FAXDC2: variants seen among roughly 807,000 people sequenced by gnomAD.
The protein encoded by FAXDC2 is fatty acid hydroxylase domain containing 2.
FAXDC2 carries 41 observed loss-of-function variants against 40.9 expected under a neutral mutation model. The ratio of observed to expected loss-of-function variants is 1.00; its 90% CI spans 0.78 to 1.30. The LOEUF (loss-of-function observed/expected upper bound fraction) is 1.30. Ranked by LOEUF, FAXDC2 falls within the 50% of genes most tolerant of loss-of-function variation. FAXDC2 has a pLI of 0.00. For missense variants in FAXDC2, 390 were observed against 408.8 expected, an observed-to-expected ratio of 0.95 and a Z score of 0.40; for synonymous variants, 157 against 149.3, an observed-to-expected ratio of 1.05 and a Z score of -0.38.
At chr5:154,822,243 G>T in intron 7 of FAXDC2, 1 of 492,332 alleles carries the variant, frequency 2.0e-6, no homozygotes, top group South Asian at 2.4e-5. Flanking sequence ...GGGTGACAGA[G>T]CAAGACCCTG....
rs958900474 is a variant in FAXDC2, at chr5:154,820,176, G to A, written c.*140C>T. 3.9e-5 allele frequency: 26 copies of A among 667,376 alleles called. No homozygotes were observed. The highest frequency in any genetic ancestry group is 1.5e-4 in the African/African-American group (8 of 54,408). 41.3% of individuals were successfully genotyped at this position (667,376 alleles called of 1,614,324 possible). A position where few individuals can be genotyped will look rare whatever the true frequency, so the allele number is the denominator to read the frequency against. On this transcript the variant is annotated 3_prime_UTR_variant, in exon 9 of 9. Coordinates refer to ENST00000326080, the MANE Select transcript of FAXDC2 (RefSeq NM_032385.5). ...GCCTCATCCTTGGCCCTGCTTTTCC[G>A]GGAAGCCGACCTTCCCTCTACCCTG...
intron 5 of FAXDC2, among the ~76,000 whole-genome samples, chr5:154,829,176 A>T (rs935406823): frequency 6.6e-6 from 1 of 152,120 alleles, no homozygotes; most frequent in Non-Finnish European, 1.5e-5. Flanking sequence ...TACAGGCATG[A>T]ACCACCACGC....
chr5:154,830,716 C>CT, intron 5 of FAXDC2, 85 bp downstream of exon 5: 1 of 1,534,558 alleles, frequency 6.5e-7, no homozygotes, highest in East Asian at 2.3e-5. Context: ...GGCCAGGTCT[C>CT]TCCTGGGCCA....
chr5:154,841,570 T>C (rs1031894150), intron 1 of FAXDC2, among the ~76,000 whole-genome samples: 28 of 152,236 alleles, frequency 1.8e-4, no homozygotes, highest in African/African-American at 6.5e-4. Flanking sequence ...CTTATGAAGA[T>C]TCCAAAGAAT....
intron 1 of FAXDC2, 169 bp from the exon 2 acceptor site, chr5:154,838,347 G>C (rs1286955941): frequency 6.2e-6 from 1 of 162,530 alleles, no homozygotes; most frequent in Non-Finnish European, 1.3e-5. Context: ...ACTTAATGGA[G>C]AGATAAATGT....
chr5:154,849,018 G>T (rs760260805), intron 1 of FAXDC2, among the ~76,000 whole-genome samples: 9 of 143,414 alleles, frequency 6.3e-5, no homozygotes, highest in Non-Finnish European at 7.6e-5. Context: ...GTTGGCTTAT[G>T]CCTGTAATCT....
chr5:154,820,758 A>G (rs970165734), intron 8 of FAXDC2: 3 of 316,058 alleles, frequency 9.5e-6, no homozygotes, highest in South Asian at 7.0e-5. Flanking sequence ...TTCTTCAGGT[A>G]TGAGATCACC....
intron 1 of FAXDC2, among the ~76,000 whole-genome samples, chr5:154,846,352 A>T (rs1467928621): frequency 6.6e-6 from 1 of 151,952 alleles, no homozygotes; most frequent in Non-Finnish European, 1.5e-5. Context: ...TTCAAGAAAC[A>T]TTTATCAGAT....
chr5:154,823,930 A>G, intron 5 of FAXDC2: 1 of 305,442 alleles, frequency 3.3e-6, no homozygotes, highest in Admixed American at 4.5e-5. Flanking sequence ...GGTAGCCTCC[A>G]TGGTGCTTGG....
intron 5 of FAXDC2, among the ~76,000 whole-genome samples, chr5:154,825,913 T>G (rs1259429249): frequency 6.6e-6 from 1 of 152,056 alleles, no homozygotes; most frequent in Non-Finnish European, 1.5e-5. Context: ...TTGTGGGTAG[T>G]AAGTAAAGGC....
intron 1 of FAXDC2, among the ~76,000 whole-genome samples, chr5:154,847,582 G>A (rs1760630786): frequency 6.6e-6 from 1 of 150,596 alleles, no homozygotes; most frequent in Non-Finnish European, 1.5e-5. Context: ...CTGCCTCCCG[G>A]GTTCAAGCGA....
rs1422224956 is a variant in FAXDC2 at position 154,818,532 on chromosome 5, T to C, written c.*1784A>G. ...TTATTTTACATGCTTGCTTTCACAT[T>C]CTTTACTGGGAATTTAAGGCCTTTT... is the stretch of plus-strand genomic sequence containing the variant. On this transcript the variant is annotated 3_prime_UTR_variant, in exon 9 of 9. Coordinates refer to ENST00000326080, the MANE Select transcript of FAXDC2 (RefSeq NM_032385.5). The C allele has an allele frequency of 3.9e-5, 6 of 152,210 alleles. No homozygotes were observed. Among genetic ancestry groups the C allele is most frequent in the Admixed American group, 3.3e-4 (5 of 15,284 alleles). The allele number at this position is 152,210 out of a possible 1,614,324, so 9.4% of individuals were successfully genotyped here. A position where few individuals can be genotyped will look rare whatever the true frequency, so the allele number is the denominator to read the frequency against.
At chr5:154,838,292 AATT>A in intron 1 of FAXDC2, 114 bp from the exon 2 acceptor site, 1 of 960,044 alleles carries the variant, frequency 1.0e-6, no homozygotes, top group Non-Finnish European at 1.6e-6. Flanking sequence ...AAAAAAAAAA[AATT>A]GGCTTGTTGT....
rs1759916318 is a variant in FAXDC2, at chr5:154,822,582, G to C, written c.573-5C>G. The C allele has an allele frequency of 6.2e-7, 1 of 1,609,232 alleles. No individual in the cohort carries two copies. On this transcript the variant is annotated splice_polypyrimidine_tract_variant and splice_region_variant and intron_variant, in intron 6 of 8. Coordinates refer to ENST00000326080, the MANE Select transcript of FAXDC2 (RefSeq NM_032385.5). ...AATGTTGGGTGGTGAAGGAGCCTGG[G>C]GAAATAGTTAATAGTTAATAACCTG...
At chr5:154,832,358 C>T (rs944125383) in intron 4 of FAXDC2, among the ~76,000 whole-genome samples, 5 of 151,966 alleles carry the variant, frequency 3.3e-5, no homozygotes, top group Non-Finnish European at 5.9e-5. Context: ...GGACTACTGG[C>T]GCCCGCCACC....
chr5:154,831,098 G>A (rs1401215109), intron 4 of FAXDC2, 176 bp from the exon 5 acceptor site: 1 of 572,310 alleles, frequency 1.7e-6, no homozygotes, highest in Non-Finnish European at 3.0e-6. Context: ...ACTTGGACAG[G>A]CCATTTAAGG....
chr5:154,838,469 T>C, intron 1 of FAXDC2: 1 of 379,824 alleles, frequency 2.6e-6, no homozygotes, highest in Non-Finnish European at 4.7e-6. Flanking sequence ...AGAGACAGGG[T>C]CCCACTACGT....
At chr5:154,835,325 T>A (rs1029724123) in intron 2 of FAXDC2, 2 of 178,792 alleles carry the variant, frequency 1.1e-5, no homozygotes, top group Non-Finnish European at 1.2e-5. Flanking sequence ...TTAAAAAAAG[T>A]CCCAATACCC....
chr5:154,820,552 A>T (rs1381485519), intron 8 of FAXDC2, 80 bp from the exon 9 acceptor site: 29 of 1,255,820 alleles, frequency 2.3e-5, no homozygotes, highest in Non-Finnish European at 1.1e-6. Context: ...CCAGCCTCAC[A>T]CATTTCTCAG....
Sources: gnomAD v4.1 joint callset for allele counts (sites outside exome capture counted in the v4.1 genomes callset) on GRCh38, gnomAD v4.1.1 for gene constraint, MANE v1.5 for transcripts, NCBI Gene and HGNC (gene_info 2026-07-23, HGNC 2026-07-21) for gene names.